Variants in PARD3 observed in about 807,000 individuals in gnomAD.
PARD3 encodes partitioning defective 3 homolog.
In PARD3, 75 loss-of-function variants were observed where a neutral mutation model predicts 155.4. The ratio of observed to expected loss-of-function variants is 0.48; its 90% CI spans 0.40 to 0.58. The LOEUF (loss-of-function observed/expected upper bound fraction) is 0.58. PARD3 is among the 20% of genes least tolerant of loss of function. The pLI is 0.00. For missense variants in PARD3, 1,642 were observed against 1,721.7 expected, an observed-to-expected ratio of 0.95 and a Z score of 0.82; for synonymous variants, 576 against 610.5, an observed-to-expected ratio of 0.94 and a Z score of 0.83.
At chr10:34,810,417 G>A (rs1843989687) in intron 1 of PARD3, among the ~76,000 whole-genome samples, 1 of 152,088 alleles carries the variant, frequency 6.6e-6, no homozygotes, top group Non-Finnish European at 1.5e-5. Context: ...GATAAAGGAT[G>A]CTCAACCTGT....
At chr10:34,704,057 T>C in intron 1 of PARD3, among the ~76,000 whole-genome samples, 1 of 152,112 alleles carries the variant, frequency 6.6e-6, no homozygotes, top group Non-Finnish European at 1.5e-5. Context: ...CCCGGGACGA[T>C]GGTGAAGGTG....
intron 22 of PARD3, among the ~76,000 whole-genome samples, chr10:34,156,364 T>G (rs1392090913): frequency 6.6e-6 from 1 of 152,166 alleles, no homozygotes; most frequent in Non-Finnish European, 1.5e-5. Context: ...CCCAAAGTGC[T>G]AGAATTACAG....
intron 12 of PARD3, among the ~76,000 whole-genome samples, chr10:34,362,573 C>T (rs1316319061): frequency 2.0e-5 from 3 of 152,182 alleles, no homozygotes; most frequent in African/African-American, 4.8e-5. Flanking sequence ...CTACTCACTA[C>T]ACCTTTGACC....
chr10:34,577,036 T>C (rs1232005391), intron 2 of PARD3, among the ~76,000 whole-genome samples: 1 of 152,218 alleles, frequency 6.6e-6, no homozygotes, highest in Non-Finnish European at 1.5e-5. Flanking sequence ...CTCCATCATC[T>C]TCTCTGACAA....
rs1423899099 is a variant in PARD3 at position 34,596,122 on chromosome 10, A to T, written c.223-78963T>A. Among the ~76,000 whole-genome samples, 4 of 152,308 alleles carry T rather than the reference A, an allele frequency of 2.6e-5. No individual in the cohort carries two copies. The East Asian group carries it at 7.7e-4, about 29-fold the overall frequency. On this transcript the variant is annotated intron_variant, in intron 2 of 24. Coordinates refer to ENST00000374788, the MANE Select transcript of PARD3 (RefSeq NM_001184785.2). ...ATTATTGCTTTTGTGCCCAAGCTCT[A>T]ATTCAAGTTAAATGTGAGAGTCACT...
chr10:34,206,334 T>C (rs1326570565), intron 22 of PARD3, among the ~76,000 whole-genome samples: 3 of 152,332 alleles, frequency 2.0e-5, no homozygotes, highest in African/African-American at 4.8e-5. Flanking sequence ...TCATTCACTA[T>C]GGTGACGGTT....
At chr10:34,513,669 G>T (rs1445639964) in intron 3 of PARD3, among the ~76,000 whole-genome samples, 1 of 152,102 alleles carries the variant, frequency 6.6e-6, no homozygotes, top group Non-Finnish European at 1.5e-5. Context: ...TGTTATTCAG[G>T]ATACTGTTCA....
intron 2 of PARD3, among the ~76,000 whole-genome samples, chr10:34,559,133 A>G (rs2085261896): frequency 6.6e-6 from 1 of 151,820 alleles, no homozygotes; most frequent in South Asian, 2.1e-4. Flanking sequence ...CTGGACTTCC[A>G]CAAGTCTCTA....
At chr10:34,142,019 T>C (rs1325672772) in intron 22 of PARD3, among the ~76,000 whole-genome samples, 2 of 152,172 alleles carry the variant, frequency 1.3e-5, no homozygotes, top group East Asian at 3.9e-4. Context: ...TAAGAAACCA[T>C]ATTCGAATAA....
At chr10:34,624,269 T>C (rs1183243969) in intron 2 of PARD3, among the ~76,000 whole-genome samples, 1 of 152,032 alleles carries the variant, frequency 6.6e-6, no homozygotes, top group Non-Finnish European at 1.5e-5. Context: ...AAGGTAGCAG[T>C]TGGAATAGAA....
chr10:34,184,470 TTAA>T (rs1296108306), intron 22 of PARD3, among the ~76,000 whole-genome samples: 3 of 152,188 alleles, frequency 2.0e-5, no homozygotes, highest in Non-Finnish European at 4.4e-5. Flanking sequence ...AGAGAATTAA[TTAA>T]TGTTTGCAAA....
At chr10:34,255,227 C>T (rs1051811748) in intron 22 of PARD3, among the ~76,000 whole-genome samples, 3 of 152,040 alleles carry the variant, frequency 2.0e-5, no homozygotes, top group Admixed American at 1.3e-4. Context: ...ACTTGGCTGC[C>T]AACTGCCAGA....
At chr10:34,204,791 T>G (rs1335709707) in intron 22 of PARD3, among the ~76,000 whole-genome samples, 1 of 152,264 alleles carries the variant, frequency 6.6e-6, no homozygotes, top group Non-Finnish European at 1.5e-5. Flanking sequence ...ATTCGTGGTA[T>G]CTATATTATG....
At chr10:34,803,759 C>T (rs529472352) in intron 1 of PARD3, among the ~76,000 whole-genome samples, 23 of 151,336 alleles carry the variant, frequency 1.5e-4, no homozygotes, top group Admixed American at 7.2e-4. Context: ...GCCGAGATCG[C>T]GCCATTGCAC....
chr10:34,482,121 A>C (rs554485522), intron 3 of PARD3, among the ~76,000 whole-genome samples: 1 of 136,198 alleles, frequency 7.3e-6, no homozygotes, highest in East Asian at 2.1e-4. Context: ...TGCATCCTTG[A>C]GCTCCTGAGC....
intron 2 of PARD3, among the ~76,000 whole-genome samples, chr10:34,551,225 T>C (rs1429184045): frequency 2.6e-5 from 4 of 152,164 alleles, no homozygotes; most frequent in African/African-American, 7.2e-5. Context: ...AAAATGCTCA[T>C]ATCCCGAAGC....
chr10:34,756,208 C>A (rs112203978), intron 1 of PARD3, among the ~76,000 whole-genome samples: 2,470 of 128,442 alleles, frequency 0.019, 82 homozygotes, highest in African/African-American at 0.068. Flanking sequence ...GACTGGAGTG[C>A]AGTGGCACGA....
At chr10:34,126,697 G>T (rs963014900) in intron 23 of PARD3, among the ~76,000 whole-genome samples, 3 of 151,818 alleles carry the variant, frequency 2.0e-5, no homozygotes, top group Non-Finnish European at 4.4e-5. Flanking sequence ...CAACTGAGCA[G>T]CTCTTCCTAA....
intron 2 of PARD3, among the ~76,000 whole-genome samples, chr10:34,675,121 C>T (rs1480168780): frequency 2.0e-5 from 3 of 152,098 alleles, no homozygotes; most frequent in Non-Finnish European, 4.4e-5. Flanking sequence ...TTAATACTTC[C>T]TTGAAAAGGA....
Sources: gnomAD v4.1 joint callset for allele counts (sites outside exome capture counted in the v4.1 genomes callset) on GRCh38, gnomAD v4.1.1 for gene constraint, MANE v1.5 for transcripts, NCBI Gene and HGNC (gene_info 2026-07-23, HGNC 2026-07-21) for gene names.